The following PSAP variants were observed in gnomAD, a reference collection of about 807,000 sequenced individuals.
The protein encoded by PSAP is precursor of saposins.
A neutral mutation model predicts 66.0 loss-of-function variants in PSAP; 25 were observed. The observed-to-expected ratio is 0.38, with a 90% CI of 0.28 to 0.53. PSAP has a LOEUF of 0.53. Among genes scored for constraint, PSAP ranks in the 20% least tolerant of loss-of-function variants. The pLI is 0.83. For synonymous variants in PSAP, 273 were observed against 258.9 expected (o/e 1.05, Z -0.52); for missense variants, 649 against 668.8 (o/e 0.97, Z 0.33).
chr10:71,851,131 G>A (rs1315229550), intron 1 of PSAP, 51 bp downstream of exon 1: 2 of 1,545,478 alleles, frequency 1.3e-6, no homozygotes, highest in Non-Finnish European at 1.8e-6. Context: ...TTCTGGGGCA[G>A]ATGGACGCTG....
Position 71,834,381 on chromosome 10 carries a change from C to A in PSAP, c.165G>T (p.Lys55Asn), listed in dbSNP as rs1344751988. 1 of 1,613,766 alleles carries A rather than the reference C, an allele frequency of 6.2e-7. No homozygotes were observed. The highest frequency in any genetic ancestry group is 1.3e-5 in the African/African-American group (1 of 75,054). The change falls in exon 2 of 14, where the codon AAG (lysine) becomes AAT (asparagine). Residue 55 changes from lysine (K) to asparagine (N), a missense_variant. Transcript: ENST00000394936. ...VKHCLQTVWN[K>N]PTVKSLPCDI... The stretch of plus-strand genomic sequence containing the variant: ...GGGCAGCGGCACTCACCACTGTTGG[C>A]TTGTTCCAAACGGTCTGCAGGCAGT...
intron 1 of PSAP, among the ~76,000 whole-genome samples, chr10:71,835,547 T>C (rs898106881): frequency 1.3e-5 from 2 of 152,048 alleles, no homozygotes; most frequent in Non-Finnish European, 2.9e-5. Context: ...ACTCCAGCGG[T>C]GAGCTACCAT....
chr10:71,829,518 G>A (rs1366150096), intron 4 of PSAP, among the ~76,000 whole-genome samples: 9 of 152,286 alleles, frequency 5.9e-5, no homozygotes, highest in East Asian at 3.9e-4. Flanking sequence ...GTAAGATGTG[G>A]CTTTGCTCCT....
At position 71,819,918 on chromosome 10, in the gene PSAP, A is replaced by G. The variant is rs1170482335; in HGVS notation, c.1006-18T>C. The G allele has an allele frequency of 3.0e-5, 49 of 1,606,758 alleles. No individual in the cohort carries two copies. Among genetic ancestry groups the G allele is most frequent in the Non-Finnish European group, 4.2e-5 (49 of 1,173,696 alleles). ...ATTTCTTTCTGAAACACACGAGAGG[A>G]TCGTGTGAGAAGACGGGAGGCCGGA... On this transcript the variant is annotated intron_variant, in intron 9 of 13. Transcript: ENST00000394936.
At chr10:71,818,967 C>A in intron 12 of PSAP, 64 bp downstream of exon 12, 2 of 1,471,582 alleles carry the variant, frequency 1.4e-6, no homozygotes, top group Non-Finnish European at 1.9e-6. Context: ...GCAACCCTTC[C>A]GGGTCTCTGC....
chr10:71,821,190 A>G (rs1044025791), intron 8 of PSAP, among the ~76,000 whole-genome samples: 2 of 152,240 alleles, frequency 1.3e-5, no homozygotes, highest in Admixed American at 6.5e-5. Flanking sequence ...CAGCAGAGAG[A>G]GACCAACAGC....
chr10:71,832,947 G>A (rs1192970563), intron 2 of PSAP, among the ~76,000 whole-genome samples: 1 of 149,366 alleles, frequency 6.7e-6, no homozygotes, highest in African/African-American at 2.5e-5. Flanking sequence ...AACCCGGGAG[G>A]CGGAGGTTGC....
rs916957940 is a variant in PSAP, at chr10:71,816,310, A to T, written c.*1131T>A. The T allele has an allele frequency of 1.1e-5, 5 of 457,396 alleles. No individual in the cohort carries two copies. The highest frequency in any genetic ancestry group is 2.0e-5 in the African/African-American group (1 of 49,826). The allele number at this position is 457,396 out of a possible 1,614,324, so 28.3% of individuals were successfully genotyped here. A position where few individuals can be genotyped will look rare whatever the true frequency, so the allele number is the denominator to read the frequency against. On this transcript the variant is annotated 3_prime_UTR_variant, in exon 14 of 14. Coordinates refer to ENST00000394936, the MANE Select transcript of PSAP (RefSeq NM_002778.4). ...CATTAGGCCCAGATCTGGCTAACAG[A>T]ATTTTATTGTTAAATCACAGAAACT...
intron 6 of PSAP, 86 bp downstream of exon 6, chr10:71,827,928 G>A: frequency 6.4e-7 from 1 of 1,555,618 alleles, no homozygotes; most frequent in Non-Finnish European, 8.8e-7. Flanking sequence ...AAAAGAGAAG[G>A]ATGTTGTCTG....
At chr10:71,820,409 AG>A in intron 8 of PSAP, 74 bp from the exon 9 acceptor site, 4 of 1,266,104 alleles carry the variant, frequency 3.2e-6, no homozygotes, top group Admixed American at 1.7e-5. Flanking sequence ...CCTAAAGGAA[AG>A]GGGACACAGA....
chr10:71,823,689 A>AC (rs1842347208), intron 7 of PSAP, among the ~76,000 whole-genome samples: 1 of 151,844 alleles, frequency 6.6e-6, no homozygotes, highest in Non-Finnish European at 1.5e-5. Context: ...GGGAGATGAG[A>AC]CCCCCAAAAC....
chr10:71,828,207 G>C (rs971640385), intron 5 of PSAP, 50 bp from the exon 6 acceptor site: 1 of 1,604,954 alleles, frequency 6.2e-7, no homozygotes, highest in African/African-American at 1.3e-5. Context: ...CAAATTCCTA[G>C]GAAAACGTCC....
intron 11 of PSAP, 152 bp from the exon 12 acceptor site, chr10:71,819,263 C>A: frequency 9.9e-7 from 1 of 1,009,464 alleles, no homozygotes; most frequent in Non-Finnish European, 1.5e-6. Context: ...TCCAGACACC[C>A]TATCTACATT....
At position 71,828,924 on chromosome 10, in the gene PSAP, G is replaced by A; in HGVS notation, c.529C>T (p.Leu177Phe). ...GGGCCGTCCTGAGGGTAGAGGAGGA[G>A]AGGGATGTTGGCCATGAAGGGGGCC... ...VVAPFMANIP[L>F]LLYPQDGPRS... Residue 177 changes from leucine (L) to phenylalanine (F), a missense_variant, in exon 5 of 14, where the codon CTC becomes TTC. Leu to Phe is a conservative substitution (Grantham distance 22). Transcript: ENST00000394936. 6.2e-7 allele frequency: 1 copy of A among 1,614,178 alleles called. No homozygotes were observed. The highest frequency in any genetic ancestry group is 8.5e-7 in the Non-Finnish European group (1 of 1,180,020).
chr10:71,826,610 G>A (rs1211898580), intron 6 of PSAP, among the ~76,000 whole-genome samples: 1 of 152,152 alleles, frequency 6.6e-6, no homozygotes, highest in African/African-American at 2.4e-5. Flanking sequence ...GGGCGTGGTG[G>A]CTCACTCCTG....
intron 11 of PSAP, 71 bp downstream of exon 11, chr10:71,819,394 T>G (rs141906004): frequency 6.3e-7 from 1 of 1,590,192 alleles, no homozygotes; most frequent in Admixed American, 1.7e-5. Flanking sequence ...TCCATCAAAA[T>G]GTACCCCAGC....
intron 13 of PSAP, 48 bp from the exon 14 acceptor site, chr10:71,817,524 G>T: frequency 6.3e-7 from 1 of 1,584,784 alleles, no homozygotes; most frequent in South Asian, 1.1e-5. Context: ...GAAAAACTCC[G>T]TTCCCGGCCC....
intron 1 of PSAP, among the ~76,000 whole-genome samples, chr10:71,846,638 A>T (rs951983604): frequency 2.0e-5 from 3 of 146,536 alleles, no homozygotes; most frequent in Non-Finnish European, 4.5e-5. Context: ...AGGCTGAGGT[A>T]TGAGAATCAC....
chr10:71,841,517 G>A (rs58647707), intron 1 of PSAP, among the ~76,000 whole-genome samples: 62,849 of 152,034 alleles, frequency 0.41, 14,675 homozygotes, highest in Middle Eastern at 0.54. Flanking sequence ...CCAGAATTCC[G>A]ATTCAGTTGC....
Sources: allele counts gnomAD v4.1 joint callset (sites outside exome capture counted in the v4.1 genomes callset), GRCh38; gene constraint gnomAD v4.1.1; transcripts MANE v1.5; gene names NCBI Gene and HGNC (gene_info 2026-07-23, HGNC 2026-07-21).